NR6A1: variants seen among roughly 807,000 people sequenced by gnomAD.
NR6A1 encodes the protein nuclear receptor subfamily 6 group A member 1.
Under a neutral mutation model 59.1 loss-of-function variants are expected in NR6A1, and 7 were observed. That is an observed-to-expected ratio of 0.12 (90% CI 0.07 to 0.22). NR6A1 has a LOEUF of 0.22. Among genes scored for constraint, NR6A1 ranks in the 10% least tolerant of loss-of-function variants. The probability of loss-of-function intolerance (pLI) is 1.00; values close to 1 mark genes in which losing one functional copy is unlikely to be tolerated. For missense variants in NR6A1, 468 were observed against 611.6 expected, an observed-to-expected ratio of 0.77 and a Z score of 2.48; for synonymous variants, 243 against 236.1, an observed-to-expected ratio of 1.03 and a Z score of -0.27.
At chr9:124,624,157 C>T (rs1427223903) in intron 2 of NR6A1, among the ~76,000 whole-genome samples, 2 of 152,130 alleles carry the variant, frequency 1.3e-5, no homozygotes, top group African/African-American at 2.4e-5. Flanking sequence ...TAGTAATTAC[C>T]AAGACTTCAA....
At chr9:124,642,471 C>T (rs1836793362) in intron 2 of NR6A1, among the ~76,000 whole-genome samples, 1 of 152,166 alleles carries the variant, frequency 6.6e-6, no homozygotes, top group Non-Finnish European at 1.5e-5. Flanking sequence ...CACTATTCAC[C>T]TTTCAGGTGA....
Position 124,683,827 on chromosome 9 carries a change from C to T in NR6A1, c.142+49481G>A, listed in dbSNP as rs544945243. Among the ~76,000 whole-genome samples the T allele has an allele frequency of 6.0e-4, 91 of 152,264 alleles. 1 individual carries two copies. In the South Asian group the frequency reaches 0.018, roughly 31 times the overall value. On this transcript the variant is annotated intron_variant, in intron 2 of 9. Coordinates refer to ENST00000487099, the MANE Select transcript of NR6A1 (RefSeq NM_033334.4). Reference sequence around the variant, plus strand: ...AAAAATATAAATAAATACAATTACTCACTAACCTTCATTTTACAGATGAAA... The same window carrying T: ...AAAAATATAAATAAATACAATTACTTACTAACCTTCATTTTACAGATGAAA...
At chr9:124,568,965 T>C (rs1490512376) in intron 2 of NR6A1, among the ~76,000 whole-genome samples, 2 of 151,604 alleles carry the variant, frequency 1.3e-5, no homozygotes, top group Non-Finnish European at 2.9e-5. Flanking sequence ...TACAAAAAAT[T>C]AGCCAGGCAT....
chr9:124,634,826 A>AAGAG (rs373861950), intron 2 of NR6A1, among the ~76,000 whole-genome samples: 4 of 151,462 alleles, frequency 2.6e-5, no homozygotes, highest in African/African-American at 4.8e-5. Flanking sequence ...TCTCAAAAAA[A>AAGAG]AGAGAGAGAG....
At chr9:124,758,012 G>A (rs1840682986) in intron 1 of NR6A1, among the ~76,000 whole-genome samples, 1 of 152,234 alleles carries the variant, frequency 6.6e-6, no homozygotes, top group Admixed American at 6.5e-5. Context: ...ATCTCCAAAT[G>A]TTAAATGCAC....
intron 1 of NR6A1, among the ~76,000 whole-genome samples, chr9:124,756,757 A>T (rs1480384606): frequency 6.6e-6 from 1 of 152,220 alleles, no homozygotes; most frequent in East Asian, 1.9e-4. Flanking sequence ...CTCAAGACAC[A>T]TTAAAGACTG....
At chr9:124,686,184 A>C (rs903336935) in intron 2 of NR6A1, among the ~76,000 whole-genome samples, 2 of 152,230 alleles carry the variant, frequency 1.3e-5, no homozygotes, top group Admixed American at 6.5e-5. Flanking sequence ...AATTACTATA[A>C]GACTAAAATT....
chr9:124,661,543 G>T (rs139692125), intron 2 of NR6A1, among the ~76,000 whole-genome samples: 9 of 152,260 alleles, frequency 5.9e-5, no homozygotes, highest in African/African-American at 1.9e-4. Flanking sequence ...GACCATGAAT[G>T]GTCAAAAAAG....
intron 1 of NR6A1, among the ~76,000 whole-genome samples, chr9:124,770,552 G>C (rs186338822): frequency 6.6e-6 from 1 of 150,670 alleles, no homozygotes; most frequent in Non-Finnish European, 1.5e-5. Flanking sequence ...GAAAAGAGAG[G>C]CTCTGCGTTA....
chr9:124,543,718 A>G (rs1833514111), intron 4 of NR6A1, 84 bp downstream of exon 4: 1 of 1,032,142 alleles, frequency 9.7e-7, no homozygotes, highest in Admixed American at 2.6e-5. Context: ...GCAGCAGATG[A>G]AAGAGTCAAG....
intron 2 of NR6A1, among the ~76,000 whole-genome samples, chr9:124,629,286 G>A (rs1210797251): frequency 6.6e-6 from 1 of 152,184 alleles, no homozygotes; most frequent in Non-Finnish European, 1.5e-5. Context: ...CATTAAAACA[G>A]GCCAAGTAGA....
intron 2 of NR6A1, among the ~76,000 whole-genome samples, chr9:124,566,156 C>A (rs1051636133): frequency 7.9e-5 from 12 of 152,274 alleles, no homozygotes; most frequent in African/African-American, 2.4e-4. Context: ...ATGACTTGTA[C>A]AAACAATGGG....
chr9:124,771,164 A>C lies in NR6A1; in HGVS notation c.-45T>G, dbSNP rs1189488396. The C allele has an allele frequency of 9.2e-7, 1 of 1,086,396 alleles. No homozygotes were observed. The highest frequency in any genetic ancestry group is 1.6e-5 in the African/African-American group (1 of 61,588). The allele number at this position is 1,086,396 out of a possible 1,614,324, so 67.3% of individuals were successfully genotyped here. On this transcript the variant is annotated 5_prime_UTR_variant, in exon 1 of 10. Transcript: ENST00000487099. ...GCGCCGGGTTTGTTGCTCCGCCATG[A>C]CCGGCGCCCTAGTCGCCGTGGTCGT...
intron 2 of NR6A1, among the ~76,000 whole-genome samples, chr9:124,625,262 T>A (rs995529266): frequency 2.0e-5 from 3 of 152,236 alleles, no homozygotes; most frequent in Non-Finnish European, 4.4e-5. Flanking sequence ...TTTACTCTGG[T>A]AACCTCACAA....
At chr9:124,732,796 A>G (rs933751647) in intron 2 of NR6A1, among the ~76,000 whole-genome samples, 1 of 151,588 alleles carries the variant, frequency 6.6e-6, no homozygotes, top group Non-Finnish European at 1.5e-5. Context: ...TCCCGGGTTC[A>G]AGCGATTCTT....
At chr9:124,558,314 G>C (rs1464721682) in intron 2 of NR6A1, among the ~76,000 whole-genome samples, 1 of 152,142 alleles carries the variant, frequency 6.6e-6, no homozygotes, top group Non-Finnish European at 1.5e-5. Flanking sequence ...ATTTCTTTAA[G>C]GAGCCTGAAG....
intron 3 of NR6A1, among the ~76,000 whole-genome samples, 153 bp from the exon 4 acceptor site, chr9:124,544,010 C>G (rs554124106): frequency 1.3e-5 from 2 of 152,298 alleles, no homozygotes; most frequent in African/African-American, 4.8e-5. Flanking sequence ...GCACACAATT[C>G]TTTCTATTAT....
At chr9:124,536,238 C>T (rs1433067200) in intron 6 of NR6A1, 106 bp from the exon 7 acceptor site, 3 of 1,266,144 alleles carry the variant, frequency 2.4e-6, no homozygotes, top group Non-Finnish European at 3.3e-6. Context: ...TGGCAATGGG[C>T]TCCTTGCTCC....
intron 2 of NR6A1, among the ~76,000 whole-genome samples, chr9:124,677,172 T>A (rs1015846590): frequency 1.3e-5 from 2 of 152,326 alleles, no homozygotes; most frequent in East Asian, 3.9e-4. Context: ...GTGATAGGAT[T>A]ATGTTTCCTA....
Sources: gnomAD v4.1 joint callset for allele counts (sites outside exome capture counted in the v4.1 genomes callset) on GRCh38, gnomAD v4.1.1 for gene constraint, MANE v1.5 for transcripts, NCBI Gene and HGNC (gene_info 2026-07-23, HGNC 2026-07-21) for gene names.